TPM3: variants seen among roughly 807,000 people sequenced by gnomAD.
The protein encoded by TPM3 is tropomyosin 3.
In TPM3, 16 loss-of-function variants were observed where a neutral mutation model predicts 43.1. The ratio of observed to expected loss-of-function variants is 0.37; its 90% CI spans 0.25 to 0.56. TPM3 has a LOEUF of 0.56. TPM3 is among the 20% of genes least tolerant of loss of function. TPM3 has a pLI of 0.77. For missense variants in TPM3, 176 were observed against 337.2 expected, an observed-to-expected ratio of 0.52 and a Z score of 3.74; for synonymous variants, 101 against 116.9, an observed-to-expected ratio of 0.86 and a Z score of 0.88.
At position 154,176,966 on chromosome 1, in the gene TPM3, G is replaced by GA. The variant is rs535327108; in HGVS notation, c.244-719dup. ...TACACTCCAGCCTGGGCAACACGGT[G>GA]AAACTCCATTTCAAAAAAAAAAAAA... On this transcript the variant is annotated intron_variant, in intron 2 of 9. Transcript: ENST00000651641. Among the ~76,000 whole-genome samples, 294 of 125,260 alleles carry GA rather than the reference G, an allele frequency of 2.3e-3. 2 individuals are homozygous for GA. The highest frequency in any genetic ancestry group is 0.022 in the Middle Eastern group (4 of 180). 82.2% of individuals were successfully genotyped at this position (125,260 alleles called of 152,430 possible).
intron 2 of TPM3, chr1:154,183,805 T>G (rs1663240181): frequency 6.4e-6 from 1 of 156,736 alleles, no homozygotes; most frequent in Admixed American, 6.1e-5. Flanking sequence ...CTCATTCTAT[T>G]TGGCATGGTA....
intron 3 of TPM3, among the ~76,000 whole-genome samples, chr1:154,175,148 G>A (rs906773772): frequency 3.9e-5 from 6 of 151,938 alleles, no homozygotes; most frequent in African/African-American, 1.2e-4. Flanking sequence ...TGGCTAATAC[G>A]GTGAAACCCT....
chr1:154,186,583 GA>G (rs1241719364), intron 2 of TPM3, among the ~76,000 whole-genome samples: 1 of 151,374 alleles, frequency 6.6e-6, no homozygotes, highest in Non-Finnish European at 1.5e-5. Context: ...ATGGTGTTAT[GA>G]CTCTATGTCC....
chr1:154,183,273 C>A, intron 2 of TPM3: 1 of 1,516,404 alleles, frequency 6.6e-7, no homozygotes. Context: ...GCCCTCCCAC[C>A]GCCAGGCAGG....
chr1:154,174,379 T>TAC (rs1662001985), intron 3 of TPM3, among the ~76,000 whole-genome samples: 2 of 82,292 alleles, frequency 2.4e-5, no homozygotes, highest in South Asian at 4.2e-4. Flanking sequence ...TATATATATA[T>TAC]ATATATATAT....
chr1:154,187,166 A>T (rs1408363412), intron 2 of TPM3: 2 of 270,034 alleles, frequency 7.4e-6, no homozygotes, highest in Admixed American at 1.3e-4. Context: ...TCCTTCTTTG[A>T]CCCTTTGAGG....
intron 5 of TPM3, 151 bp from the exon 6 acceptor site, chr1:154,171,639 G>T: frequency 1.2e-6 from 1 of 832,424 alleles, no homozygotes; most frequent in Non-Finnish European, 2.0e-6. Flanking sequence ...ACCTGAGCAA[G>T]CATCAACCCT....
downstream of TPM3, among the ~76,000 whole-genome samples, chr1:154,158,008 G>A (rs78171973): frequency 3.9e-3 from 599 of 152,282 alleles, 36 homozygotes; most frequent in East Asian, 0.1. Flanking sequence ...GTCAATGAAA[G>A]AGCAAGCCTT....
downstream of TPM3, among the ~76,000 whole-genome samples, chr1:154,161,129 A>AT (rs1291633130): frequency 2.9e-5 from 4 of 136,090 alleles, no homozygotes; most frequent in East Asian, 2.0e-4. Context: ...TAATGCAAAT[A>AT]TTAAAAAAAA....
chr1:154,172,270 TG>T, intron 5 of TPM3: 2 of 773,234 alleles, frequency 2.6e-6, no homozygotes, highest in Non-Finnish European at 4.7e-6. Context: ...CAGACGGGAA[TG>T]TAAGAGGGAA....
At chr1:154,173,037 G>A in intron 4 of TPM3, 47 bp downstream of exon 4, 2 of 1,613,540 alleles carry the variant, frequency 1.2e-6, no homozygotes, top group Admixed American at 1.7e-5. Context: ...ACCGCATTAT[G>A]CTTTGTAAAA....
downstream of TPM3, chr1:154,157,850 A>G: frequency 1.4e-6 from 1 of 724,668 alleles, no homozygotes; most frequent in Non-Finnish European, 2.5e-6. Context: ...CAGCCACAGA[A>G]GTGAGCTATT....
intron 2 of TPM3, chr1:154,187,136 C>A (rs1663445220): frequency 1.0e-5 from 2 of 195,422 alleles, no homozygotes; most frequent in Non-Finnish European, 1.8e-5. Context: ...CAGCACCTCT[C>A]CCAATTCCTA....
intron 2 of TPM3, chr1:154,183,342 C>G (rs1571443635): frequency 6.3e-6 from 9 of 1,437,112 alleles, no homozygotes; most frequent in African/African-American, 1.4e-5. Flanking sequence ...CCCAGTCGCC[C>G]TGGAGTACGG....
chr1:154,161,917 C>G lies in TPM3; in HGVS notation c.*6020G>C, dbSNP rs1442804554. Among the ~76,000 whole-genome samples the G allele has an allele frequency of 1.3e-5, 2 of 152,120 alleles. No homozygotes were observed. Among genetic ancestry groups the G allele is most frequent in the Non-Finnish European group, 2.9e-5 (2 of 68,028 alleles). On this transcript the variant is annotated 3_prime_UTR_variant, in exon 10 of 10. Coordinates refer to ENST00000651641, the MANE Select transcript of TPM3 (RefSeq NM_152263.4). ...AATGCAGCTGTTCTCTCACTTTGAACTTAGTTTCTAACTCTGCTATCTCTA... is the reference window on the plus strand; with the variant it reads ...AATGCAGCTGTTCTCTCACTTTGAAGTTAGTTTCTAACTCTGCTATCTCTA...
chr1:154,184,637 G>T (rs1015395343), intron 2 of TPM3, among the ~76,000 whole-genome samples: 1 of 152,174 alleles, frequency 6.6e-6, no homozygotes, highest in South Asian at 2.1e-4. Flanking sequence ...ACTGTCAGCC[G>T]GGCGGGGTGA....
Position 154,162,087 on chromosome 1 carries a change from A to G in TPM3, c.*5850T>C, listed in dbSNP as rs2148198755. Among the ~76,000 whole-genome samples, 1 of 152,154 alleles carries G rather than the reference A, an allele frequency of 6.6e-6. No homozygotes were observed. The highest frequency in any genetic ancestry group is 3.4e-3 in the Middle Eastern group (1 of 294). On this transcript the variant is annotated 3_prime_UTR_variant, in exon 10 of 10. Coordinates refer to ENST00000651641, the MANE Select transcript of TPM3 (RefSeq NM_152263.4). Reference sequence around the variant, plus strand: ...CTATATCTAATTAAGAAACAACCCCATGGCCAGGTGCAGTGGCTCAAGTCT... The same window carrying G: ...CTATATCTAATTAAGAAACAACCCCGTGGCCAGGTGCAGTGGCTCAAGTCT...
intron 5 of TPM3, chr1:154,172,223 A>G (rs767118468): frequency 3.2e-6 from 3 of 951,860 alleles, no homozygotes; most frequent in East Asian, 2.4e-5. Flanking sequence ...AAAAATGGGA[A>G]GAGAACACCA....
chr1:154,182,393 T>A (rs957110940), intron 2 of TPM3, among the ~76,000 whole-genome samples: 5 of 152,180 alleles, frequency 3.3e-5, no homozygotes, highest in Non-Finnish European at 2.9e-5. Flanking sequence ...TCCTGTGGCC[T>A]CGAGCTCCTC....
Sources: allele counts gnomAD v4.1 joint callset (sites outside exome capture counted in the v4.1 genomes callset), GRCh38; gene constraint gnomAD v4.1.1; transcripts MANE v1.5; gene names NCBI Gene and HGNC (gene_info 2026-07-23, HGNC 2026-07-21).